The following DENND5A variants were observed in gnomAD, a reference collection of about 807,000 sequenced individuals.
The protein encoded by DENND5A is DENN domain containing 5A.
A neutral mutation model predicts 140.3 loss-of-function variants in DENND5A; 64 were observed. That is an observed-to-expected ratio of 0.46 (90% CI 0.37 to 0.56). The LOEUF (loss-of-function observed/expected upper bound fraction) is 0.56. Ranked by LOEUF, DENND5A falls within the 20% of genes least tolerant of loss-of-function variation. The pLI, the probability that DENND5A is intolerant of heterozygous loss-of-function variation, is 0.00. For missense variants in DENND5A, 1,292 were observed against 1,593.8 expected, an observed-to-expected ratio of 0.81 and a Z score of 3.22; for synonymous variants, 605 against 607.7, an observed-to-expected ratio of 1.00 and a Z score of 0.07.
intron 12 of DENND5A, among the ~76,000 whole-genome samples, chr11:9,156,667 T>C (rs577126397): frequency 3.3e-5 from 5 of 150,202 alleles, no homozygotes; most frequent in African/African-American, 9.8e-5. Flanking sequence ...CCAGGCATTG[T>C]GGTGCGGAGC....
intron 1 of DENND5A, among the ~76,000 whole-genome samples, chr11:9,211,760 C>T (rs12296016): frequency 0.28 from 43,171 of 151,700 alleles, 6,776 homozygotes; most frequent in South Asian, 0.49. Flanking sequence ...GGTGAAACCC[C>T]GTCTCTACTA....
intron 20 of DENND5A, 129 bp downstream of exon 20, chr11:9,143,274 C>T (rs1310385716): frequency 1.5e-5 from 13 of 841,876 alleles, no homozygotes; most frequent in Non-Finnish European, 2.6e-5. Flanking sequence ...AGCTGAGGCA[C>T]ACACTCTACA....
intron 2 of DENND5A, chr11:9,207,262 T>G (rs1849721649): frequency 2.1e-6 from 1 of 487,440 alleles, no homozygotes; most frequent in Non-Finnish European, 3.7e-6. Context: ...GAAGCAGATT[T>G]CAGGGTAAAT....
chr11:9,263,142 A>C lies in DENND5A; in HGVS notation c.109+1819T>G, dbSNP rs577313943. Among the ~76,000 whole-genome samples the C allele has an allele frequency of 3.3e-5, 5 of 152,278 alleles. No homozygotes were observed. The East Asian group carries it at 9.7e-4, about 29-fold the overall frequency. ...CTGCTTCATATTTTCTCCACCTGCTATTGAGGAAATAGCTCATTTTTTTCT... is the reference window on the plus strand; with the variant it reads ...CTGCTTCATATTTTCTCCACCTGCTCTTGAGGAAATAGCTCATTTTTTTCT... On this transcript the variant is annotated intron_variant, in intron 1 of 22. Transcript: ENST00000328194.
At chr11:9,156,895 G>T (rs1847824357) in intron 12 of DENND5A, among the ~76,000 whole-genome samples, 1 of 150,268 alleles carries the variant, frequency 6.7e-6, no homozygotes, top group African/African-American at 2.5e-5. Context: ...AAGGAAGGAA[G>T]GAAGGAAGGA....
chr11:9,167,455 G>T, intron 10 of DENND5A, among the ~76,000 whole-genome samples: 1 of 144,088 alleles, frequency 6.9e-6, no homozygotes, highest in Middle Eastern at 3.7e-3. Flanking sequence ...TCTTCTTATA[G>T]CTCCAGGGAG....
chr11:9,207,460 C>G, intron 2 of DENND5A, 101 bp downstream of exon 2: 1 of 864,918 alleles, frequency 1.2e-6, no homozygotes, highest in Non-Finnish European at 1.8e-6. Flanking sequence ...AAAAAAGGCA[C>G]AAGAAAGTTA....
At chr11:9,209,795 G>A (rs1034384085) in intron 1 of DENND5A, among the ~76,000 whole-genome samples, 6 of 152,030 alleles carry the variant, frequency 3.9e-5, no homozygotes, top group African/African-American at 1.2e-4. Context: ...CATTTACTTA[G>A]GGCTGAGTTT....
At chr11:9,221,488 AG>A (rs1850310060) in intron 1 of DENND5A, among the ~76,000 whole-genome samples, 2 of 152,198 alleles carry the variant, frequency 1.3e-5, no homozygotes, top group South Asian at 4.1e-4. Context: ...CAACCCATTC[AG>A]TGCTGGCATT....
intron 4 of DENND5A, among the ~76,000 whole-genome samples, chr11:9,199,698 C>T (rs1337551395): frequency 1.3e-5 from 2 of 152,198 alleles, no homozygotes; most frequent in Non-Finnish European, 2.9e-5. Context: ...GCCTGCATTC[C>T]TTTTCCCTAT....
At chr11:9,182,146 T>G (rs1382027807) in intron 5 of DENND5A, among the ~76,000 whole-genome samples, 2 of 152,084 alleles carry the variant, frequency 1.3e-5, no homozygotes, top group Non-Finnish European at 2.9e-5. Flanking sequence ...TGAAACCCCA[T>G]CTCTGCTAAA....
intron 13 of DENND5A, among the ~76,000 whole-genome samples, chr11:9,151,163 C>T (rs1847603326): frequency 6.6e-6 from 1 of 152,150 alleles, no homozygotes; most frequent in African/African-American, 2.4e-5. Flanking sequence ...CCACTTGGAG[C>T]CACTACTCAC....
chr11:9,264,841 G>T, intron 1 of DENND5A, 120 bp downstream of exon 1: 1 of 871,208 alleles, frequency 1.1e-6, no homozygotes, highest in Non-Finnish European at 1.7e-6. Flanking sequence ...CGCCCGCCCT[G>T]GTCCTCCCGG....
At chr11:9,143,168 G>C (rs1443719791) in intron 20 of DENND5A, 10 of 594,488 alleles carry the variant, frequency 1.7e-5, no homozygotes, top group Non-Finnish European at 2.7e-5. Flanking sequence ...TGTTCACTAG[G>C]GGCCCAGGGA....
chr11:9,257,878 C>A (rs1205285858), intron 1 of DENND5A, among the ~76,000 whole-genome samples: 2 of 151,652 alleles, frequency 1.3e-5, no homozygotes, highest in Admixed American at 1.3e-4. Flanking sequence ...CTGCAGCCTC[C>A]GCCTCCCAGA....
intron 11 of DENND5A, among the ~76,000 whole-genome samples, chr11:9,163,356 T>G (rs539963155): frequency 2.0e-4 from 30 of 152,324 alleles, no homozygotes; most frequent in African/African-American, 7.2e-4. Flanking sequence ...GCCAATACTT[T>G]GTGATGTTAC....
chr11:9,211,765 C>G (rs985448798), intron 1 of DENND5A, among the ~76,000 whole-genome samples: 5 of 151,888 alleles, frequency 3.3e-5, no homozygotes, highest in African/African-American at 7.3e-5. Flanking sequence ...AACCCCGTCT[C>G]TACTAAAAAT....
chr11:9,243,910 T>C (rs1251454020), intron 1 of DENND5A, among the ~76,000 whole-genome samples: 1 of 152,192 alleles, frequency 6.6e-6, no homozygotes, highest in Admixed American at 6.5e-5. Context: ...TAATATTTTA[T>C]TTCCCTTATG....
At chr11:9,164,089 T>TTTTTTTA (rs1848096647) in intron 11 of DENND5A, among the ~76,000 whole-genome samples, 1 of 121,278 alleles carries the variant, frequency 8.2e-6, no homozygotes. Context: ...TTTTTTTTTT[T>TTTTTTTA]GAGAGAGGGT....
Sources: gnomAD v4.1 joint callset for allele counts (sites outside exome capture counted in the v4.1 genomes callset) on GRCh38, gnomAD v4.1.1 for gene constraint, MANE v1.5 for transcripts, NCBI Gene and HGNC (gene_info 2026-07-23, HGNC 2026-07-21) for gene names.